HOOK1: variants seen among roughly 807,000 people sequenced by gnomAD.
HOOK1 encodes hook microtubule tethering protein 1, also known as protein Hook homolog 1.
HOOK1 carries 60 observed loss-of-function variants against 112.8 expected under a neutral mutation model. The observed-to-expected ratio is 0.53, with a 90% confidence interval of 0.43 to 0.66. HOOK1 has a LOEUF of 0.66. Ranked by LOEUF, HOOK1 falls within the 30% of genes least tolerant of loss-of-function variation. The pLI, the probability that HOOK1 is intolerant of heterozygous loss-of-function variation, is 0.00. For synonymous variants in HOOK1, 294 were observed against 283.8 expected, an observed-to-expected ratio of 1.04 and a Z score of -0.36; for missense variants, 770 against 856.0, an observed-to-expected ratio of 0.90 and a Z score of 1.25.
chr1:59,859,098 G>GT, intron 14 of HOOK1, 53 bp downstream of exon 14: 1 of 884,862 alleles, frequency 1.1e-6, no homozygotes, highest in Non-Finnish European at 1.5e-6. Context: ...TAATTTTTTT[G>GT]TTTTTTGTAA....
chr1:59,839,564 G>T (rs2102029899), intron 7 of HOOK1, among the ~76,000 whole-genome samples: 1 of 152,272 alleles, frequency 6.6e-6, no homozygotes, highest in South Asian at 2.1e-4. Flanking sequence ...TGCTGAAGTT[G>T]TTTATCAGCT....
intron 20 of HOOK1, among the ~76,000 whole-genome samples, chr1:59,869,400 C>T (rs1381404853): frequency 6.6e-6 from 1 of 152,104 alleles, no homozygotes; most frequent in East Asian, 1.9e-4. Context: ...CCACGTTGGC[C>T]AGGCTGGTCT....
intron 1 of HOOK1, among the ~76,000 whole-genome samples, chr1:59,818,067 G>A (rs562080876): frequency 6.6e-6 from 1 of 152,216 alleles, no homozygotes; most frequent in African/African-American, 2.4e-5. Flanking sequence ...ATTTTTAACT[G>A]GGTCATAGAG....
At chr1:59,858,017 G>T (rs929091619) in intron 12 of HOOK1, among the ~76,000 whole-genome samples, 17 of 152,178 alleles carry the variant, frequency 1.1e-4, no homozygotes, top group Admixed American at 1.0e-3. Flanking sequence ...GAACACCTTT[G>T]CAAGGGTTTA....
chr1:59,860,133 A>G, intron 14 of HOOK1, 55 bp from the exon 15 acceptor site: 2 of 1,386,578 alleles, frequency 1.4e-6, no homozygotes, highest in African/African-American at 1.5e-5. Flanking sequence ...TTAACTAAAG[A>G]ATATAATGAC....
Position 59,815,154 on chromosome 1 carries a change from C to A in HOOK1, c.37C>A (p.Pro13Thr). ...ETQPPPQPKLPLCDSLMIWLQ... is the reference protein window; with the variant it reads ...ETQPPPQPKLTLCDSLMIWLQ... ...GCAGCCGCCGCCGCAGCCTAAGCTG[C>A]CCCTGTGCGACAGCCTCATGATCTG... is the stretch of plus-strand genomic sequence containing the variant. The change falls in exon 1 of 22, where the codon CCC (proline) becomes ACC (threonine). Residue 13 changes from proline to threonine, a missense_variant. Around this residue, in one of 3 missense-constraint regions of HOOK1, gnomAD observed 655 missense variants for 725.9 expected, o/e 0.90. Transcript: ENST00000371208. 1 of 1,543,706 alleles carries A rather than the reference C, an allele frequency of 6.5e-7. No homozygotes were observed. Among genetic ancestry groups the A allele is most frequent in the Non-Finnish European group, 8.7e-7 (1 of 1,146,568 alleles).
rs1160851673 is a variant in HOOK1, at chr1:59,860,258, C to T, written c.1462C>T (p.Arg488Cys). ...RLQQEGSENE[R>C]IEELQEQLEQ... The stretch of plus-strand genomic sequence containing the variant: ...ACAGCAAGAAGGCTCTGAGAATGAA[C>T]GTATTGAGGAACTTCAGGAGCAGCT... The change falls in exon 15 of 22, where the codon CGT (arginine) becomes TGT (cysteine). Residue 488 changes from arginine to cysteine, a missense_variant. This residue lies in a region of HOOK1 where 655 missense variants were observed against 725.9 expected (regional missense o/e 0.90). Coordinates refer to ENST00000371208, the MANE Select transcript of HOOK1 (RefSeq NM_015888.6). 6 of 1,609,638 alleles carry T rather than the reference C, an allele frequency of 3.7e-6. No individual in the cohort carries two copies. Among genetic ancestry groups the T allele is most frequent in the South Asian group, 3.3e-5 (3 of 90,444 alleles).
chr1:59,827,030 G>A (rs1345270670), intron 2 of HOOK1, among the ~76,000 whole-genome samples: 8 of 152,120 alleles, frequency 5.3e-5, no homozygotes, highest in African/African-American at 1.2e-4. Context: ...CCCCCAAAGC[G>A]CTGGGATTAC....
intron 15 of HOOK1, among the ~76,000 whole-genome samples, chr1:59,861,667 A>C (rs2098413679): frequency 6.6e-6 from 1 of 152,202 alleles, no homozygotes; most frequent in Non-Finnish European, 1.5e-5. Flanking sequence ...TACACCTAGT[A>C]GTTCTGGATC....
chr1:59,849,176 A>G lies in HOOK1; in HGVS notation c.1235A>G (p.Glu412Gly), dbSNP rs892175238. 6.3e-7 allele frequency: 1 copy of G among 1,583,704 alleles called. No individual in the cohort carries two copies. ...GAAAAACATGAAGCTTTACTTAAGG[A>G]AAAAGAGGTAAACATAGATATAATT... The part of the protein sequence containing the change: ...LEEKHEALLK[E>G]KERLIEQRDT... The change falls in exon 12 of 22, where the codon GAA (glutamate) becomes GGA (glycine). Residue 412 changes from glutamate (E) to glycine (G), a missense_variant. Physicochemically the swap from Glu to Gly is moderately conservative, Grantham distance 98 (BLOSUM62 -2). Coordinates refer to ENST00000371208, the MANE Select transcript of HOOK1 (RefSeq NM_015888.6).
intron 12 of HOOK1, among the ~76,000 whole-genome samples, chr1:59,855,325 T>C (rs2098409900): frequency 6.6e-6 from 1 of 152,156 alleles, no homozygotes; most frequent in African/African-American, 2.4e-5. Context: ...TGTCTATTGC[T>C]CCCTTCTTTG....
At chr1:59,837,486 C>T (rs1189266916) in intron 7 of HOOK1, among the ~76,000 whole-genome samples, 1 of 152,092 alleles carries the variant, frequency 6.6e-6, no homozygotes. Context: ...CCAGTCATCT[C>T]AAGAAGTATT....
chr1:59,856,508 T>G (rs1011935302), intron 12 of HOOK1, among the ~76,000 whole-genome samples: 13 of 152,040 alleles, frequency 8.6e-5, no homozygotes, highest in African/African-American at 3.1e-4. Flanking sequence ...TAGGCTATTC[T>G]GTTTGTGTAT....
chr1:59,819,139 T>A (rs920435129), intron 1 of HOOK1, among the ~76,000 whole-genome samples: 3 of 38,332 alleles, frequency 7.8e-5, no homozygotes, highest in African/African-American at 6.5e-4. Flanking sequence ...CCAATAAGCA[T>A]TTTTTTTTTT....
chr1:59,872,221 T>C (rs1322629014), intron 21 of HOOK1, among the ~76,000 whole-genome samples: 2 of 152,218 alleles, frequency 1.3e-5, no homozygotes, highest in East Asian at 3.8e-4. Context: ...ACAGCCAAAA[T>C]ATGGTAATTT....
intron 13 of HOOK1, 119 bp downstream of exon 13, chr1:59,858,634 G>C (rs1044229420): frequency 3.7e-5 from 26 of 697,066 alleles, no homozygotes; most frequent in Non-Finnish European, 6.4e-5. Context: ...AGCTCTGGGA[G>C]GCTGAGGCGG....
intron 8 of HOOK1, among the ~76,000 whole-genome samples, chr1:59,841,078 C>T (rs1198605214): frequency 1.3e-5 from 2 of 151,956 alleles, no homozygotes; most frequent in Admixed American, 6.6e-5. Flanking sequence ...CCAGAGTGGT[C>T]GTGAGGGTTA....
At chr1:59,859,289 C>T (rs866025253) in intron 14 of HOOK1, among the ~76,000 whole-genome samples, 2 of 151,866 alleles carry the variant, frequency 1.3e-5, no homozygotes, top group Non-Finnish European at 1.5e-5. Flanking sequence ...GACATGACCC[C>T]CATGTGCTAT....
chr1:59,863,923 T>C, intron 16 of HOOK1: 1 of 634,944 alleles, frequency 1.6e-6, no homozygotes, highest in Non-Finnish European at 2.0e-6. Flanking sequence ...GAGAATACTT[T>C]TAAAATGAGG....
Sources: gnomAD v4.1 joint callset for allele counts (sites outside exome capture counted in the v4.1 genomes callset) on GRCh38, gnomAD v4.1.1 for gene constraint, gnomAD v4.1.1 regional missense constraint, MANE v1.5 for transcripts, NCBI Gene and HGNC (gene_info 2026-07-23, HGNC 2026-07-21) for gene names.